FAM227B: variants seen among roughly 807,000 people sequenced by gnomAD.
FAM227B encodes the protein family with sequence similarity 227 member B, also known as protein FAM227B.
In FAM227B, 88 loss-of-function variants were observed where a neutral mutation model predicts 73.8. The ratio of observed to expected loss-of-function variants is 1.19; its 90% CI spans 1.00 to 1.42. The LOEUF (loss-of-function observed/expected upper bound fraction) is 1.42. FAM227B is among the 40% of genes most tolerant of loss of function. The pLI, the probability that FAM227B is intolerant of heterozygous loss-of-function variation, is 0.00. For missense variants in FAM227B, 632 were observed against 590.9 expected (o/e 1.07, Z -0.72); for synonymous variants, 210 against 190.5 (o/e 1.10, Z -0.84).
chr15:49,531,928 T>TA (rs1266394681), intron 10 of FAM227B, among the ~76,000 whole-genome samples: 2 of 151,734 alleles, frequency 1.3e-5, no homozygotes, highest in Non-Finnish European at 2.9e-5. Flanking sequence ...TGTTACTAGA[T>TA]AAACAGGTAG....
At chr15:49,529,983 A>C (rs1042725516) in intron 10 of FAM227B, among the ~76,000 whole-genome samples, 1 of 151,764 alleles carries the variant, frequency 6.6e-6, no homozygotes, top group Non-Finnish European at 1.5e-5. Context: ...CATGGCACAG[A>C]TGCACCATAG....
intron 13 of FAM227B, among the ~76,000 whole-genome samples, chr15:49,340,403 G>GCCCCCCCCCCCCCCCCC (rs373386438): frequency 2.1e-5 from 2 of 94,380 alleles, no homozygotes; most frequent in Admixed American, 1.1e-4. Flanking sequence ...GCAGTGCCCC[G>GCCCCCCCCCCCCCCCCC]CCCCCCCCCT....
intron 11 of FAM227B, among the ~76,000 whole-genome samples, chr15:49,450,430 T>C (rs1597274152): frequency 6.6e-6 from 1 of 152,104 alleles, no homozygotes; most frequent in Admixed American, 6.6e-5. Flanking sequence ...AAAACCATCC[T>C]GAATGCCATT....
intron 11 of FAM227B, among the ~76,000 whole-genome samples, chr15:49,457,012 G>A (rs1396567717): frequency 3.9e-5 from 6 of 152,070 alleles, no homozygotes; most frequent in Non-Finnish European, 7.4e-5. Flanking sequence ...CTAGTGAGTG[G>A]ATGAATCTAG....
chr15:49,407,434 C>T (rs948384949), intron 11 of FAM227B, among the ~76,000 whole-genome samples: 5 of 151,990 alleles, frequency 3.3e-5, no homozygotes, highest in Non-Finnish European at 7.4e-5. Flanking sequence ...ACACTTGGTG[C>T]CTTCCCTCTG....
intron 1 of FAM227B, among the ~76,000 whole-genome samples, chr15:49,616,497 GA>G (rs759552883): frequency 2.6e-3 from 401 of 152,100 alleles, no homozygotes; most frequent in Non-Finnish European, 4.0e-3. Flanking sequence ...ACACTTAACT[GA>G]TGCTCTGTCT....
At position 49,513,870 on chromosome 15, in the gene FAM227B, T is replaced by C. The variant is rs192708623; in HGVS notation, c.875-5522A>G. On this transcript the variant is annotated intron_variant, in intron 10 of 15. Transcript: ENST00000299338. ...AATAGGGAATCCTTTCCCCATCGCTTGTTTTTGTCAGGTTTGCCAAAGATC... is the reference window on the plus strand; with the variant it reads ...AATAGGGAATCCTTTCCCCATCGCTCGTTTTTGTCAGGTTTGCCAAAGATC... 3.0e-4 allele frequency among the ~76,000 whole-genome samples: 46 copies of C among 152,322 alleles called. 1 individual carries two copies. In the East Asian group the frequency reaches 8.1e-3, roughly 27 times the overall value.
At chr15:49,608,484 A>C (rs557978849) in intron 3 of FAM227B, among the ~76,000 whole-genome samples, 189 of 152,244 alleles carry the variant, frequency 1.2e-3, no homozygotes, top group Non-Finnish European at 2.1e-3. Flanking sequence ...ACAATGCTGA[A>C]GTATCAAACA....
chr15:49,571,659 C>T (rs752133566), intron 8 of FAM227B, among the ~76,000 whole-genome samples: 1 of 151,794 alleles, frequency 6.6e-6, no homozygotes, highest in Non-Finnish European at 1.5e-5. Flanking sequence ...TAGTTGTAAA[C>T]GCGTAGATTC....
chr15:49,548,162 C>T (rs2072226926), intron 9 of FAM227B, among the ~76,000 whole-genome samples: 2 of 152,132 alleles, frequency 1.3e-5, no homozygotes. Context: ...GTCTGTTATA[C>T]ATGGTTTTTA....
At chr15:49,433,912 A>G (rs2050848244) in intron 11 of FAM227B, among the ~76,000 whole-genome samples, 1 of 151,798 alleles carries the variant, frequency 6.6e-6, no homozygotes, top group African/African-American at 2.4e-5. Flanking sequence ...AAAGTCTTTA[A>G]TAATTAAATG....
chr15:49,451,484 T>C (rs1323112752), intron 11 of FAM227B, among the ~76,000 whole-genome samples: 1 of 152,116 alleles, frequency 6.6e-6, no homozygotes. Context: ...TATGTATATA[T>C]AGATTATAAC....
intron 11 of FAM227B, among the ~76,000 whole-genome samples, chr15:49,396,829 C>A (rs1398656598): frequency 7.2e-5 from 11 of 151,756 alleles, no homozygotes; most frequent in Admixed American, 7.2e-4. Flanking sequence ...AGGACATCCA[C>A]ACCAAAAACC....
chr15:49,537,186 T>C (rs2070394570), intron 10 of FAM227B, among the ~76,000 whole-genome samples: 1 of 152,102 alleles, frequency 6.6e-6, no homozygotes, highest in Non-Finnish European at 1.5e-5. Flanking sequence ...CTATTAATTG[T>C]AATATCTATA....
intron 10 of FAM227B, among the ~76,000 whole-genome samples, chr15:49,527,680 G>T (rs1246978010): frequency 1.3e-5 from 2 of 151,772 alleles, no homozygotes; most frequent in Admixed American, 1.3e-4. Context: ...ACAGTGTACA[G>T]AAATCAGTAG....
chr15:49,538,442 T>G (rs1173786732), intron 10 of FAM227B, among the ~76,000 whole-genome samples: 1 of 152,156 alleles, frequency 6.6e-6, no homozygotes, highest in East Asian at 1.9e-4. Context: ...GCTTTGGCAC[T>G]GGAGAAGCAG....
At chr15:49,501,745 C>A (rs1324350029) in intron 11 of FAM227B, among the ~76,000 whole-genome samples, 1 of 152,176 alleles carries the variant, frequency 6.6e-6, no homozygotes, top group Non-Finnish European at 1.5e-5. Context: ...GTGCTAATAA[C>A]CAAGACAATG....
At chr15:49,590,054 GA>G (rs1259921838) in intron 3 of FAM227B, 47 bp from the exon 4 acceptor site, 1 of 976,084 alleles carries the variant, frequency 1.0e-6, no homozygotes, top group African/African-American at 1.6e-5. Flanking sequence ...CATTTTTAAT[GA>G]ATTTAAATAA....
intron 7 of FAM227B, chr15:49,576,168 T>C (rs1731713308): frequency 6.6e-6 from 1 of 152,390 alleles, no homozygotes; most frequent in African/African-American, 2.4e-5. Context: ...AAAAAGAACA[T>C]ATGTAATGTA....
Sources: gnomAD v4.1 joint callset for allele counts (sites outside exome capture counted in the v4.1 genomes callset) on GRCh38, gnomAD v4.1.1 for gene constraint, MANE v1.5 for transcripts, NCBI Gene and HGNC (gene_info 2026-07-23, HGNC 2026-07-21) for gene names.